ZNF268: variants seen among roughly 807,000 people sequenced by gnomAD.
The protein encoded by ZNF268 is zinc finger protein 268, also known as zinc finger protein 3.
Under a neutral mutation model 29.3 loss-of-function variants are expected in ZNF268, and 20 were observed. The ratio of observed to expected loss-of-function variants is 0.68; its 90% CI spans 0.48 to 0.99. The LOEUF (loss-of-function observed/expected upper bound fraction) is 0.99, where lower values mean the gene tolerates loss of function less well. Among genes scored for constraint, ZNF268 ranks in the 50% least tolerant of loss-of-function variants. ZNF268 has a pLI of 0.00. For synonymous variants in ZNF268, 429 were observed against 376.9 expected (o/e 1.14, Z -1.60); for missense variants, 1,240 against 1,121.6 (o/e 1.11, Z -1.51).
At position 133,210,999 on chromosome 12, in the gene ZNF268, T is replaced by C. The variant is rs371144321; in HGVS notation, c.*6469T>C. 1 of 455,926 alleles carries C rather than the reference T, an allele frequency of 2.2e-6. No homozygotes were observed. Among genetic ancestry groups the C allele is most frequent in the Non-Finnish European group, 4.4e-6 (1 of 226,804 alleles). 28.2% of individuals were successfully genotyped at this position (455,926 alleles called of 1,614,324 possible). A position where few individuals can be genotyped will look rare whatever the true frequency, so the allele number is the denominator to read the frequency against. Reference sequence around the variant, plus strand: ...TGAAATTCAATCTTACGATTTTCCATGCCATAATTTTGGAAAACGAAACTG... The same window carrying C: ...TGAAATTCAATCTTACGATTTTCCACGCCATAATTTTGGAAAACGAAACTG... On this transcript the variant is annotated 3_prime_UTR_variant, in exon 6 of 6. Coordinates refer to ENST00000536435, the MANE Select transcript of ZNF268 (RefSeq NM_003415.3).
chr12:133,184,886 G>A (rs1435678065), intron 2 of ZNF268: 2 of 304,048 alleles, frequency 6.6e-6, no homozygotes, highest in Non-Finnish European at 1.4e-5. Flanking sequence ...AACCTAAATG[G>A]AATTTAGTGG....
chr12:133,196,513 A>G (rs967708510), intron 5 of ZNF268, among the ~76,000 whole-genome samples: 8 of 152,118 alleles, frequency 5.3e-5, no homozygotes, highest in African/African-American at 1.4e-4. Context: ...AACCGAGCAA[A>G]GATAAGGATG....
intron 5 of ZNF268, among the ~76,000 whole-genome samples, chr12:133,194,165 A>C (rs901971877): frequency 6.6e-6 from 1 of 152,136 alleles, no homozygotes; most frequent in Non-Finnish European, 1.5e-5. Context: ...TTCATCTTCG[A>C]TGTTACTGTC....
Position 133,212,872 on chromosome 12 carries a change from T to G in ZNF268, c.*8342T>G, listed in dbSNP as rs1957008485. ...AAATAGTTTTTTGGTTTTTTTGAAA[T>G]GGAGTTTCACTCTGTCACCCAGGCT... On this transcript the variant is annotated 3_prime_UTR_variant, in exon 6 of 6. Coordinates refer to ENST00000536435, the MANE Select transcript of ZNF268 (RefSeq NM_003415.3). The G allele has an allele frequency of 6.6e-6, 1 of 152,160 alleles. No homozygotes were observed. The allele number at this position is 152,160 out of a possible 1,614,324, so 9.4% of individuals were successfully genotyped here.
At chr12:133,199,875 G>A (rs1956708087) in intron 5 of ZNF268, among the ~76,000 whole-genome samples, 1 of 152,078 alleles carries the variant, frequency 6.6e-6, no homozygotes, top group Non-Finnish European at 1.5e-5. Context: ...TGGGATCGGT[G>A]GTGAAATCCC....
chr12:133,184,626 TTTA>T lies in ZNF268; in HGVS notation c.33+2599_33+2601del, dbSNP rs771625103. On this transcript the variant is annotated intron_variant, in intron 2 of 5. Coordinates refer to ENST00000536435, the MANE Select transcript of ZNF268 (RefSeq NM_003415.3). Reference sequence around the variant, plus strand: ...ACCTCTTTATTTATTTATTTATTTGTTTATTTTTTTGAGACTGAGTCTCGCTCT... The same window carrying T: ...ACCTCTTTATTTATTTATTTATTTGTTTTTTTTGAGACTGAGTCTCGCTCT... The T allele has an allele frequency of 1.2e-3, 369 of 314,088 alleles. No individual in the cohort carries two copies. In the African/African-American group the frequency reaches 0.012, roughly 10 times the overall value. 19.5% of individuals were successfully genotyped at this position (314,088 alleles called of 1,614,324 possible). A position where few individuals can be genotyped will look rare whatever the true frequency, so the allele number is the denominator to read the frequency against.
At chr12:133,190,391 ACT>A (rs1447235084) in intron 3 of ZNF268, among the ~76,000 whole-genome samples, 1 of 151,990 alleles carries the variant, frequency 6.6e-6, no homozygotes, top group Non-Finnish European at 1.5e-5. Flanking sequence ...TTCCAAAGTG[ACT>A]CTACCACTTT....
intron 3 of ZNF268, 122 bp downstream of exon 3, chr12:133,188,194 A>C: frequency 1.1e-6 from 1 of 920,530 alleles, no homozygotes; most frequent in Admixed American, 2.9e-5. Flanking sequence ...TTCAGTTCAA[A>C]ACCCCCCCAC....
intron 2 of ZNF268, among the ~76,000 whole-genome samples, chr12:133,186,289 C>G (rs146364877): frequency 6.6e-6 from 1 of 151,942 alleles, no homozygotes; most frequent in Non-Finnish European, 1.5e-5. Context: ...GATCCTAGAC[C>G]CTGAAATGTA....
At chr12:133,198,554 T>A (rs1054878445) in intron 5 of ZNF268, among the ~76,000 whole-genome samples, 1 of 152,200 alleles carries the variant, frequency 6.6e-6, no homozygotes, top group African/African-American at 2.4e-5. Flanking sequence ...TAAAGTAGTT[T>A]TTTTCAATTC....
Position 133,211,406 on chromosome 12 carries a change from AC to A in ZNF268, c.*6879del, listed in dbSNP as rs1461319858. The A allele has an allele frequency of 1.8e-5, 4 of 222,660 alleles. No homozygotes were observed. Among genetic ancestry groups the A allele is most frequent in the South Asian group, 1.6e-4 (3 of 18,534 alleles). 13.8% of individuals were successfully genotyped at this position (222,660 alleles called of 1,614,324 possible). A position where few individuals can be genotyped will look rare whatever the true frequency, so the allele number is the denominator to read the frequency against. ...AGACCAGCCTGACCAACATGGAGAA[AC>A]CCTGTCTCTACTAAAAATACAAAAT... On this transcript the variant is annotated 3_prime_UTR_variant, in exon 6 of 6. Transcript: ENST00000536435.
chr12:133,204,034 G>A lies in ZNF268; in HGVS notation c.2348G>A (p.Ser783Asn). 6.4e-7 allele frequency: 1 copy of A among 1,571,410 alleles called. No homozygotes were observed. Among genetic ancestry groups the A allele is most frequent in the Non-Finnish European group, 8.6e-7 (1 of 1,161,544 alleles). The stretch of plus-strand genomic sequence containing the variant: ...GCAGGGGAAAAGCCTTATGGGTGCA[G>A]TGAATGTGGGAAAGCTTTTAGCAGC... ...THAGEKPYGCSECGKAFSSKS... is the reference protein window; with the variant it reads ...THAGEKPYGCNECGKAFSSKS... Residue 783 changes from serine (S) to asparagine (N), a missense_variant, in exon 6 of 6, where the codon AGT becomes AAT. Physicochemically the swap from Ser to Asn is conservative, Grantham distance 46. This residue lies in a region of ZNF268 where 1,177 missense variants were observed against 1,039.6 expected (regional missense o/e 1.13). Coordinates refer to ENST00000536435, the MANE Select transcript of ZNF268 (RefSeq NM_003415.3).
chr12:133,182,130 C>A, intron 2 of ZNF268, 100 bp downstream of exon 2: 2 of 1,198,640 alleles, frequency 1.7e-6, no homozygotes, highest in East Asian at 2.6e-5. Context: ...AGCTTTCTCA[C>A]CCCACCGCTC....
At chr12:133,193,717 A>T (rs77894419) in intron 5 of ZNF268, among the ~76,000 whole-genome samples, 1 of 152,170 alleles carries the variant, frequency 6.6e-6, no homozygotes, top group Non-Finnish European at 1.5e-5. Flanking sequence ...AATAACTTCC[A>T]TTCGGAAGAT....
intron 5 of ZNF268, among the ~76,000 whole-genome samples, chr12:133,194,483 A>G (rs989907240): frequency 3.3e-5 from 5 of 152,082 alleles, no homozygotes; most frequent in Non-Finnish European, 7.4e-5. Flanking sequence ...ATGCCTGTGG[A>G]TATACCAGTG....
At position 133,208,563 on chromosome 12, in the gene ZNF268, G is replaced by A. The variant is rs1174523751; in HGVS notation, c.*4033G>A. The A allele has an allele frequency of 1.3e-5, 2 of 152,256 alleles. No individual in the cohort carries two copies. The highest frequency in any genetic ancestry group is 2.9e-5 in the Non-Finnish European group (2 of 68,096). The allele number at this position is 152,256 out of a possible 1,614,324, so 9.4% of individuals were successfully genotyped here. A position where few individuals can be genotyped will look rare whatever the true frequency, so the allele number is the denominator to read the frequency against. On this transcript the variant is annotated 3_prime_UTR_variant, in exon 6 of 6. Transcript: ENST00000536435. ...CCACCTACTGAGGAGGCTGAGGCAGGAGGTTAGCTTGAGTCCAGTAGTTCA... is the reference window on the plus strand; with the variant it reads ...CCACCTACTGAGGAGGCTGAGGCAGAAGGTTAGCTTGAGTCCAGTAGTTCA...
chr12:133,181,997 G>A lies in ZNF268; in HGVS notation c.-1G>A. On this transcript the variant is annotated 5_prime_UTR_variant, in exon 2 of 6. Coordinates refer to ENST00000536435, the MANE Select transcript of ZNF268 (RefSeq NM_003415.3). The stretch of plus-strand genomic sequence containing the variant: ...CGAGGCACACAAAACTGACCGTAGG[G>A]ATGGCCACCAGGGTCCGGACAGCTT... The A allele has an allele frequency of 2.6e-6, 4 of 1,565,772 alleles. No homozygotes were observed. Among genetic ancestry groups the A allele is most frequent in the Non-Finnish European group, 3.5e-6 (4 of 1,154,896 alleles).
intron 1 of ZNF268, 58 bp from the exon 2 acceptor site, chr12:133,181,888 C>G (rs549470743): frequency 8.2e-7 from 1 of 1,215,930 alleles, no homozygotes; most frequent in South Asian, 1.3e-5. Flanking sequence ...CGGACCCTCC[C>G]CCTCTGGGTT....
In ZNF268 at chr12:133,212,445, TTATATATATATATATATATATATATA is replaced by T. The variant is rs565059550; in HGVS notation, c.*7943_*7968del. The T allele has an allele frequency of 2.2e-4, 26 of 118,596 alleles. No homozygotes were observed. Among genetic ancestry groups the T allele is most frequent in the South Asian group, 5.5e-4 (2 of 3,638 alleles). The allele number at this position is 118,596 out of a possible 1,614,324, so 7.3% of individuals were successfully genotyped here. On this transcript the variant is annotated 3_prime_UTR_variant, in exon 6 of 6. Coordinates refer to ENST00000536435, the MANE Select transcript of ZNF268 (RefSeq NM_003415.3). Reference sequence around the variant, plus strand: ...CCAAGGGAGACTTTCATGTGTGATTTTATATATATATATATATATATATATATATATATATATATATATATATATAT... The same window carrying T: ...CCAAGGGAGACTTTCATGTGTGATTTTATATATATATATATATATATATAT...
Sources: allele counts gnomAD v4.1 joint callset (sites outside exome capture counted in the v4.1 genomes callset), GRCh38; gene constraint gnomAD v4.1.1; regional missense constraint gnomAD v4.1.1; transcripts MANE v1.5; gene names NCBI Gene and HGNC (gene_info 2026-07-23, HGNC 2026-07-21).